ACAP1: variants seen among roughly 807,000 people sequenced by gnomAD.
ACAP1 encodes ArfGAP with coiled-coil, ankyrin repeat and PH domains 1.
Under a neutral mutation model 98.8 loss-of-function variants are expected in ACAP1, and 45 were observed. The ratio of observed to expected loss-of-function variants is 0.46; its 90% confidence interval spans 0.36 to 0.58. The LOEUF is 0.58. ACAP1 is among the 20% of genes least tolerant of loss of function. ACAP1 has a pLI of 0.00. For synonymous variants in ACAP1, 362 were observed against 375.3 expected, an observed-to-expected ratio of 0.96 and a Z score of 0.41; for missense variants, 735 against 971.4, an observed-to-expected ratio of 0.76 and a Z score of 3.24.
intron 10 of ACAP1, chr17:7,345,647 T>C (rs1022663287): frequency 1.3e-5 from 2 of 151,218 alleles, no homozygotes; most frequent in African/African-American, 4.9e-5. Flanking sequence ...CTTTTCTTTT[T>C]TTCTTTTTCT....
chr17:7,336,911 G>T, intron 1 of ACAP1, 124 bp downstream of exon 1: 1 of 969,602 alleles, frequency 1.0e-6, no homozygotes, highest in Non-Finnish European at 1.6e-6. Flanking sequence ...GAGCGAGCCT[G>T]TGGGCCAAAG....
At chr17:7,349,430 C>T (rs1486147820) in intron 18 of ACAP1, 1 of 392,452 alleles carries the variant, frequency 2.5e-6, no homozygotes, top group Non-Finnish European at 4.6e-6. Flanking sequence ...GGCTGGAGTG[C>T]AATGGTGCGA....
intron 3 of ACAP1, 36 bp from the exon 4 acceptor site, chr17:7,342,239 A>C (rs1597649781): frequency 6.2e-7 from 1 of 1,612,754 alleles, no homozygotes. Flanking sequence ...CTGCCACCCC[A>C]TGCCTGGTAC....
At chr17:7,341,885 GT>G (rs1475309730) in intron 2 of ACAP1, 62 bp from the exon 3 acceptor site, 86 of 1,602,450 alleles carry the variant, frequency 5.4e-5, no homozygotes, top group Non-Finnish European at 6.6e-5. Flanking sequence ...TGGGGCAGGT[GT>G]GGGGGCATCA....
At chr17:7,336,996 C>T (rs182188146) in intron 1 of ACAP1, among the ~76,000 whole-genome samples, 144 of 152,204 alleles carry the variant, frequency 9.5e-4, no homozygotes, top group Middle Eastern at 3.4e-3. Context: ...TCTGCAGTTT[C>T]CCTCACCCCT....
chr17:7,342,550 G>C, intron 5 of ACAP1, 76 bp downstream of exon 5: 1 of 1,513,668 alleles, frequency 6.6e-7, no homozygotes, highest in African/African-American at 1.4e-5. Flanking sequence ...AGGATTGCTT[G>C]AGCCCAGGAG....
At chr17:7,351,135 T>A (rs1242696920) in intron 21 of ACAP1, 136 bp downstream of exon 21, 2 of 1,120,524 alleles carry the variant, frequency 1.8e-6, no homozygotes, top group Non-Finnish European at 2.6e-6. Flanking sequence ...GCATGCGACG[T>A]GCCAGGCCCT....
chr17:7,348,339 C>G lies in ACAP1; in HGVS notation c.1542C>G (p.Tyr514Ter). Residue 514 changes from tyrosine to a stop codon, truncating the protein, a stop_gained, in exon 17 of 22, where the codon TAC (tyrosine) becomes TAG (stop). Transcript: ENST00000158762. LOFTEE classifies it high-confidence loss of function. Reference protein sequence around the residue: ...QEKEAWIHAKYVEKKFLTKLP... With the variant: ...QEKEAWIHAK ...AGGAGGCCTGGATTCACGCTAAATACGTGGAGAAGAAGTTCCTGACCAAGC... is the reference window on the plus strand; with the variant it reads ...AGGAGGCCTGGATTCACGCTAAATAGGTGGAGAAGAAGTTCCTGACCAAGC... 1 of 1,574,810 alleles carries G rather than the reference C, an allele frequency of 6.3e-7. No individual in the cohort carries two copies.
At chr17:7,342,588 A>T in intron 5 of ACAP1, 114 bp downstream of exon 5, 1 of 1,194,232 alleles carries the variant, frequency 8.4e-7, no homozygotes. Flanking sequence ...CAACATGGCG[A>T]AACTGTCTCC....
chr17:7,350,109 C>G lies in ACAP1; in HGVS notation c.1962-18C>G. 1 of 1,613,772 alleles carries G rather than the reference C, an allele frequency of 6.2e-7. No homozygotes were observed. The highest frequency in any genetic ancestry group is 8.5e-7 in the Non-Finnish European group (1 of 1,179,690). On this transcript the variant is annotated intron_variant, in intron 19 of 21. Coordinates refer to ENST00000158762, the MANE Select transcript of ACAP1 (RefSeq NM_014716.4). This position sits in a 1 kb window ranked among gnomAD's most constrained non-coding sequence, Gnocchi z 4.6. ...GGGAGAAGTTGGGCGGCCGGCTGAC[C>G]CTGGCTCTTCTCTCCAGGCTCGCCT...
chr17:7,346,136 C>A, intron 10 of ACAP1, 108 bp from the exon 11 acceptor site: 1 of 997,330 alleles, frequency 1.0e-6, no homozygotes, highest in Non-Finnish European at 1.6e-6. Context: ...AACAGTCAGC[C>A]CAGGTGTCTG....
chr17:7,348,550 A>C lies in ACAP1; in HGVS notation c.1678+75A>C, dbSNP rs1245366854. ...CGTGCCAGGTAGCGCCGGGAGGCAC[A>C]GAGTGTGAAGCCCAGGCCTTCCGCT... is the stretch of plus-strand genomic sequence containing the variant. On this transcript the variant is annotated intron_variant, in intron 17 of 21. Coordinates refer to ENST00000158762, the MANE Select transcript of ACAP1 (RefSeq NM_014716.4). 1.3e-4 allele frequency: 177 copies of C among 1,412,764 alleles called. No homozygotes were observed. In the East Asian group the frequency reaches 4.3e-3, roughly 35 times the overall value. The allele number at this position is 1,412,764 out of a possible 1,614,324, so 87.5% of individuals were successfully genotyped here.
Position 7,351,288 on chromosome 17 carries a change from C to T in ACAP1, c.2123-7C>T. On this transcript the variant is annotated splice_region_variant and splice_polypyrimidine_tract_variant and intron_variant, in intron 21 of 21. Transcript: ENST00000158762. The stretch of plus-strand genomic sequence containing the variant: ...AGCCGCCTCCCGGCCTTTCCTCCCT[C>T]CCCCAGGAGATGAGACGTATCTTGA... The T allele has an allele frequency of 6.2e-7, 1 of 1,609,952 alleles. No homozygotes were observed. Among genetic ancestry groups the T allele is most frequent in the Non-Finnish European group, 8.5e-7 (1 of 1,177,060 alleles).
intron 14 of ACAP1, chr17:7,347,616 G>C: frequency 1.8e-6 from 1 of 544,206 alleles, no homozygotes; most frequent in Non-Finnish European, 3.3e-6. Flanking sequence ...TGGAAGGGAG[G>C]TGACATGGGA....
Position 7,347,926 on chromosome 17 carries a change from C to T in ACAP1, c.1348C>T (p.Leu450Phe), listed in dbSNP as rs2143017887. The T allele has an allele frequency of 6.2e-7, 1 of 1,614,186 alleles. No homozygotes were observed. Among genetic ancestry groups the T allele is most frequent in the South Asian group, 1.1e-5 (1 of 91,084 alleles). The change falls in exon 15 of 22, where the codon CTT (leucine) becomes TTT (phenylalanine). Residue 450 changes from leucine (L) to phenylalanine (F), a missense_variant. Coordinates refer to ENST00000158762, the MANE Select transcript of ACAP1 (RefSeq NM_014716.4). ...CIQCSGIHRS[L>F]GVHFSKVRSL... ...CCTCCCCCTCTGGCCCTCCAGGAGC[C>T]TTGGTGTTCACTTCTCCAAAGTCCG...
intron 16 of ACAP1, 41 bp downstream of exon 16, chr17:7,348,262 C>G: frequency 6.2e-7 from 1 of 1,610,500 alleles, no homozygotes. Flanking sequence ...TGGGGGACCC[C>G]TGGAGCAGAA....
intron 2 of ACAP1, among the ~76,000 whole-genome samples, chr17:7,338,803 T>C (rs958221500): frequency 5.9e-5 from 9 of 151,340 alleles, no homozygotes; most frequent in Admixed American, 2.6e-4. Context: ...CACCTCAGCC[T>C]CCCAAAGTGC....
At position 7,348,060 on chromosome 17, in the gene ACAP1, G is replaced by A. The variant is rs559144993; in HGVS notation, c.1414-67G>A. On this transcript the variant is annotated intron_variant, in intron 15 of 21. Coordinates refer to ENST00000158762, the MANE Select transcript of ACAP1 (RefSeq NM_014716.4). ...GGGGCAAGGACATGGCGGTGCAGGGGCGTGATCCCTGAGGAGTCACTCACC... is the reference window on the plus strand; with the variant it reads ...GGGGCAAGGACATGGCGGTGCAGGGACGTGATCCCTGAGGAGTCACTCACC... 6.2e-6 allele frequency: 10 copies of A among 1,610,448 alleles called. No homozygotes were observed. The East Asian group carries it at 2.2e-4, about 36-fold the overall frequency.
chr17:7,348,393 C>T lies in ACAP1; in HGVS notation c.1596C>T (p.Gly532=). ...KLPEIRGRRG[G]RGRPRGQPPV... Reference sequence around the variant, plus strand: ...CTGAGATTCGAGGGCGAAGAGGTGGCCGGGGGCGCCCAAGGGGGCAGCCTC... The same window carrying T: ...CTGAGATTCGAGGGCGAAGAGGTGGTCGGGGGCGCCCAAGGGGGCAGCCTC... The change falls in exon 17 of 22, where the codon GGC becomes GGT. Residue 532 remains glycine (G), a synonymous_variant. Coordinates refer to ENST00000158762, the MANE Select transcript of ACAP1 (RefSeq NM_014716.4). The T allele has an allele frequency of 6.4e-7, 1 of 1,558,926 alleles. No individual in the cohort carries two copies. Among genetic ancestry groups the T allele is most frequent in the South Asian group, 1.2e-5 (1 of 83,476 alleles).
Sources: allele counts gnomAD v4.1 joint callset (sites outside exome capture counted in the v4.1 genomes callset), GRCh38; gene constraint gnomAD v4.1.1; non-coding constraint Gnocchi (gnomAD v3.1); transcripts MANE v1.5; gene names NCBI Gene and HGNC (gene_info 2026-07-23, HGNC 2026-07-21).